GPHN: variants seen among roughly 807,000 people sequenced by gnomAD.
GPHN encodes gephyrin.
Under a neutral mutation model 95.5 loss-of-function variants are expected in GPHN, and 17 were observed. The ratio of observed to expected loss-of-function variants is 0.18; its 90% CI spans 0.12 to 0.27. The LOEUF is 0.27. Ranked by LOEUF, GPHN falls within the 10% of genes least tolerant of loss-of-function variation. The pLI is 1.00. For missense variants in GPHN, 660 were observed against 978.1 expected (o/e 0.67, Z 4.34); for synonymous variants, 320 against 322.5 (o/e 0.99, Z 0.08).
the GPHN span, among the ~76,000 whole-genome samples, chr14:67,213,014 C>A: frequency 6.6e-6 from 1 of 151,056 alleles, no homozygotes; most frequent in South Asian, 2.1e-4. Context: ...CACCTGGGAA[C>A]TGGTTAAAGA....
chr14:66,977,691 G>A (rs1199503092), intron 9 of GPHN, among the ~76,000 whole-genome samples: 1 of 152,102 alleles, frequency 6.6e-6, no homozygotes, highest in Non-Finnish European at 1.5e-5. Context: ...AAACTACAAT[G>A]TATAGTTTAA....
At chr14:66,924,429 T>C in intron 8 of GPHN, 137 bp downstream of exon 8, 1 of 691,262 alleles carries the variant, frequency 1.4e-6, no homozygotes, top group Non-Finnish European at 2.6e-6. Context: ...TGTGAAAGTG[T>C]GAGTGCCATT....
intron 3 of GPHN, among the ~76,000 whole-genome samples, chr14:66,818,888 C>T (rs140910209): frequency 1.3e-3 from 199 of 152,280 alleles, no homozygotes; most frequent in African/African-American, 4.5e-3. Context: ...ACATGTATGT[C>T]TTCTTCTGAG....
At chr14:66,944,691 T>C (rs2067636999) in intron 8 of GPHN, among the ~76,000 whole-genome samples, 1 of 151,938 alleles carries the variant, frequency 6.6e-6, no homozygotes, top group Admixed American at 6.5e-5. Context: ...GCTAATAGGG[T>C]GGAGAAAAGA....
At chr14:67,124,655 T>C (rs1241136146) in intron 17 of GPHN, among the ~76,000 whole-genome samples, 1 of 152,134 alleles carries the variant, frequency 6.6e-6, no homozygotes, top group Non-Finnish European at 1.5e-5. Context: ...AACACCAGAT[T>C]CTTAGGGTTA....
intron 1 of GPHN, among the ~76,000 whole-genome samples, chr14:66,617,380 C>T (rs1314859705): frequency 6.6e-6 from 1 of 150,550 alleles, no homozygotes; most frequent in South Asian, 2.1e-4. Context: ...CCATGGGTTG[C>T]GCAGTTCTGT....
intron 1 of GPHN, among the ~76,000 whole-genome samples, chr14:66,568,847 A>T (rs1176807374): frequency 6.6e-6 from 1 of 152,086 alleles, no homozygotes; most frequent in Admixed American, 6.5e-5. Context: ...TTATATTTTC[A>T]ACTCAGTGGG....
At chr14:67,426,826 C>T in the GPHN span, among the ~76,000 whole-genome samples, 1 of 152,142 alleles carries the variant, frequency 6.6e-6, no homozygotes, top group Non-Finnish European at 1.5e-5. Context: ...CCACTCAGCT[C>T]GGCCTTGCAA....
the GPHN span, among the ~76,000 whole-genome samples, chr14:67,551,425 T>C: frequency 6.6e-6 from 1 of 152,206 alleles, no homozygotes; most frequent in African/African-American, 2.4e-5. Context: ...GCTTGTGGAA[T>C]CTTCACAACG....
chr14:67,712,038 G>T, the GPHN span, among the ~76,000 whole-genome samples: 1 of 152,074 alleles, frequency 6.6e-6, no homozygotes, highest in African/African-American at 2.4e-5. Context: ...TCCTGCCTCA[G>T]CCCCCTGAGT....
chr14:66,538,512 C>A (rs546966385), intron 1 of GPHN, among the ~76,000 whole-genome samples: 10 of 151,970 alleles, frequency 6.6e-5, no homozygotes, highest in East Asian at 1.9e-4. Context: ...TTTAAACTTA[C>A]AATTTCTCTC....
intron 6 of GPHN, 127 bp downstream of exon 6, chr14:66,916,196 CAA>C: frequency 1.4e-6 from 1 of 708,812 alleles, no homozygotes; most frequent in Non-Finnish European, 2.6e-6. Flanking sequence ...GCAGGATTCC[CAA>C]AGTCACTCTT....
chr14:66,705,929 TA>T (rs1486127567), intron 2 of GPHN, among the ~76,000 whole-genome samples: 1 of 152,094 alleles, frequency 6.6e-6, no homozygotes, highest in Non-Finnish European at 1.5e-5. Flanking sequence ...TGTCTCAGCC[TA>T]AAAACTCTTT....
intron 1 of GPHN, among the ~76,000 whole-genome samples, chr14:66,523,561 G>A (rs1241291143): frequency 6.6e-6 from 1 of 151,972 alleles, no homozygotes; most frequent in Non-Finnish European, 1.5e-5. Flanking sequence ...ATAGTAGGTG[G>A]GCTCTGGATT....
chr14:66,961,900 G>GTACATA, intron 8 of GPHN, among the ~76,000 whole-genome samples: 1 of 53,006 alleles, frequency 1.9e-5, no homozygotes, highest in African/African-American at 5.4e-5. Flanking sequence ...CCCTGAATGT[G>GTACATA]TATATATATA....
intron 17 of GPHN, among the ~76,000 whole-genome samples, chr14:67,142,354 T>C (rs1021705651): frequency 6.6e-6 from 1 of 152,230 alleles, no homozygotes; most frequent in Non-Finnish European, 1.5e-5. Context: ...ATCCTGTCCC[T>C]TCATAAGTCT....
At chr14:67,330,138 AAAT>A in the GPHN span, among the ~76,000 whole-genome samples, 986 of 146,478 alleles carry the variant, frequency 6.7e-3, 24 homozygotes, top group East Asian at 0.063. Flanking sequence ...ACCAGGAAAT[AAAT>A]AATAATAATA....
rs572253269 is a variant in GPHN, at chr14:67,047,189, C to G, written c.1007-11460C>G. Among the ~76,000 whole-genome samples the G allele has an allele frequency of 5.9e-5, 9 of 152,120 alleles. No homozygotes were observed. The South Asian group carries it at 1.9e-3, about 32-fold the overall frequency. On this transcript the variant is annotated intron_variant, in intron 10 of 22. Transcript: ENST00000478722. Reference sequence around the variant, plus strand: ...TTATGTAGTTTAGGGAGCTTTTCTACTGCTTGTTTTGAAAAATGAAGTTTC... The same window carrying G: ...TTATGTAGTTTAGGGAGCTTTTCTAGTGCTTGTTTTGAAAAATGAAGTTTC...
Position 66,778,726 on chromosome 14 carries a change from C to CTTTTTT in GPHN, c.201+2228_201+2233dup, listed in dbSNP as rs759940498. On this transcript the variant is annotated intron_variant, in intron 3 of 22. Coordinates refer to ENST00000478722, the MANE Select transcript of GPHN (RefSeq NM_020806.5). ...ATTCTATGACTCAAGACTCAAGGGG[C>CTTTTTT]TTTTTTTTTTTTTTTTTTTTTTTTT... Among the ~76,000 whole-genome samples the CTTTTTT allele has an allele frequency of 2.9e-4, 17 of 59,350 alleles. 1 individual carries two copies. Among genetic ancestry groups the CTTTTTT allele is most frequent in the African/African-American group, 7.6e-4 (10 of 13,194 alleles). The allele number at this position is 59,350 out of a possible 152,430, so 38.9% of individuals were successfully genotyped here.
Sources: allele counts gnomAD v4.1 joint callset (sites outside exome capture counted in the v4.1 genomes callset), GRCh38; gene constraint gnomAD v4.1.1; transcripts MANE v1.5; gene names NCBI Gene and HGNC (gene_info 2026-07-23, HGNC 2026-07-21).